Variants in CACNA1C observed in about 807,000 individuals in gnomAD.
The protein encoded by CACNA1C is voltage-dependent L-type calcium channel subunit alpha-1C.
In CACNA1C, 30 loss-of-function variants were observed where a neutral mutation model predicts 229.0. That is an observed-to-expected ratio of 0.13 (90% CI 0.10 to 0.18). CACNA1C has a LOEUF of 0.18. CACNA1C is among the 10% of genes least tolerant of loss of function. CACNA1C has a pLI of 1.00. For missense variants in CACNA1C, 1,658 were observed against 2,845.0 expected, an observed-to-expected ratio of 0.58 and a Z score of 9.49; for synonymous variants, 1,114 against 1,132.5, an observed-to-expected ratio of 0.98 and a Z score of 0.33.
chr12:2,286,790 TACA>T (rs1414540241), intron 3 of CACNA1C, among the ~76,000 whole-genome samples: 1 of 152,202 alleles, frequency 6.6e-6, no homozygotes, highest in African/African-American at 2.4e-5. Flanking sequence ...AACTCATGCT[TACA>T]ACTTTTATGT....
Position 2,028,197 on chromosome 12 carries a change from CCA to C in CACNA1C, c.139+56999_139+57000del, listed in dbSNP as rs563689380. On this transcript the variant is annotated intron_variant, in intron 1 of 46. Transcript: ENST00000682462. Reference sequence around the variant, plus strand: ...ACTTTAGAGGTTTTCAAATTGTATTCCACAGAGTTACAAGGGTTCCAAGACAG... The same window carrying C: ...ACTTTAGAGGTTTTCAAATTGTATTCCAGAGTTACAAGGGTTCCAAGACAG... Among the ~76,000 whole-genome samples, 120 of 152,300 alleles carry C rather than the reference CCA, an allele frequency of 7.9e-4. 2 individuals carry two copies. The South Asian group carries it at 8.9e-3, about 11-fold the overall frequency.
chr12:2,486,288 C>A lies in CACNA1C; in HGVS notation c.916+26C>A. The A allele has an allele frequency of 6.2e-7, 1 of 1,603,272 alleles. No individual in the cohort carries two copies. The highest frequency in any genetic ancestry group is 1.1e-5 in the South Asian group (1 of 89,628). Reference sequence around the variant, plus strand: ...GTAAGAGGGGCAGGCGGCTGCGCTCCCAAGGCCCTGCCCTCTATCGCTCCC... The same window carrying A: ...GTAAGAGGGGCAGGCGGCTGCGCTCACAAGGCCCTGCCCTCTATCGCTCCC... On this transcript the variant is annotated intron_variant, in intron 6 of 46. Coordinates refer to ENST00000399655, the MANE Select transcript of CACNA1C (RefSeq NM_000719.7). This position sits in a 1 kb window ranked among gnomAD's most constrained non-coding sequence, Gnocchi z 4.9.
At chr12:2,256,069 C>CCTGA (rs1479374421) in intron 3 of CACNA1C, among the ~76,000 whole-genome samples, 3 of 152,290 alleles carry the variant, frequency 2.0e-5, no homozygotes, top group Admixed American at 6.5e-5. Context: ...ACGATCCTGA[C>CCTGA]CTTACTAGTT....
intron 3 of CACNA1C, among the ~76,000 whole-genome samples, chr12:2,293,924 G>A (rs1314031036): frequency 6.6e-6 from 1 of 152,106 alleles, no homozygotes; most frequent in Admixed American, 6.5e-5. Context: ...TTTTCTTAAG[G>A]TGACAGAGAA....
At chr12:2,417,935 G>A (rs1261163635) in intron 3 of CACNA1C, among the ~76,000 whole-genome samples, 1 of 152,008 alleles carries the variant, frequency 6.6e-6, no homozygotes, top group Non-Finnish European at 1.5e-5. Flanking sequence ...TACCTGTGCG[G>A]GGCCTCCCAG....
intron 3 of CACNA1C, among the ~76,000 whole-genome samples, chr12:2,127,224 T>C (rs2090459231): frequency 6.6e-6 from 1 of 152,144 alleles, no homozygotes; most frequent in South Asian, 2.1e-4. Flanking sequence ...TCACCCGACA[T>C]GGGGCCCTGC....
intron 3 of CACNA1C, among the ~76,000 whole-genome samples, chr12:2,342,966 A>G (rs940060880): frequency 6.6e-6 from 1 of 152,228 alleles, no homozygotes; most frequent in Non-Finnish European, 1.5e-5. Flanking sequence ...TAAGCCTTAT[A>G]TCAGCTCTGC....
chr12:2,115,659 C>A, intron 2 of CACNA1C, 114 bp downstream of exon 2: 1 of 930,954 alleles, frequency 1.1e-6, no homozygotes, highest in South Asian at 1.5e-5. Flanking sequence ...CAAACGGGGC[C>A]TCGGGCCTAC....
At chr12:2,672,495 G>A (rs910702396) in intron 38 of CACNA1C, among the ~76,000 whole-genome samples, 5 of 152,340 alleles carry the variant, frequency 3.3e-5, no homozygotes, top group African/African-American at 4.8e-5. Context: ...GGTGTCAGCA[G>A]AGTTGGTTCT....
At chr12:2,562,730 T>C (rs569713048) in intron 11 of CACNA1C, among the ~76,000 whole-genome samples, 1 of 152,324 alleles carries the variant, frequency 6.6e-6, no homozygotes, top group Admixed American at 6.5e-5. Flanking sequence ...TCATAACGTT[T>C]TAAATTGTTA....
At chr12:2,530,692 T>C (rs543946929) in intron 9 of CACNA1C, among the ~76,000 whole-genome samples, 1 of 152,350 alleles carries the variant, frequency 6.6e-6, no homozygotes, top group Non-Finnish European at 1.5e-5. Flanking sequence ...CTCTCTTTTT[T>C]CCAGCGGTGC....
intron 29 of CACNA1C, among the ~76,000 whole-genome samples, chr12:2,622,695 G>A (rs1006776790): frequency 1.3e-5 from 2 of 152,118 alleles, no homozygotes; most frequent in Non-Finnish European, 2.9e-5. Flanking sequence ...AGTGTACCCC[G>A]CCCCCAGCCC....
chr12:2,449,763 C>A (rs903960506), intron 4 of CACNA1C, among the ~76,000 whole-genome samples: 22 of 152,216 alleles, frequency 1.4e-4, no homozygotes, highest in Admixed American at 1.3e-3. Flanking sequence ...ACTTTCGTTT[C>A]ATCTCAGACC....
intron 4 of CACNA1C, among the ~76,000 whole-genome samples, chr12:2,456,658 C>T (rs1219454679): frequency 6.6e-6 from 1 of 152,198 alleles, no homozygotes; most frequent in South Asian, 2.1e-4. Context: ...TTCCCATAGG[C>T]CTCTGCTCAA....
At position 2,689,158 on chromosome 12, in the gene CACNA1C, AT is replaced by A; in HGVS notation, c.6117+381del. ...GGGGAGCTTTGGAAACCCGGGACAG[AT>A]TAACTGATGATTGTTAAAGCTCTTC... On this transcript the variant is annotated intron_variant, in intron 46 of 46. Coordinates refer to ENST00000399655, the MANE Select transcript of CACNA1C (RefSeq NM_000719.7). This position sits in a 1 kb window ranked among gnomAD's most constrained non-coding sequence, Gnocchi z 4.2. 6.6e-6 allele frequency among the ~76,000 whole-genome samples: 1 copy of A among 152,290 alleles called. No individual in the cohort carries two copies. The highest frequency in any genetic ancestry group is 2.1e-4 in the South Asian group (1 of 4,816).
At chr12:2,310,525 A>C (rs995131072) in intron 3 of CACNA1C, among the ~76,000 whole-genome samples, 16 of 152,152 alleles carry the variant, frequency 1.1e-4, no homozygotes, top group African/African-American at 3.9e-4. Flanking sequence ...TTGTCGACTC[A>C]TTTGGAAATT....
At chr12:2,096,263 A>G (rs545462718) in intron 1 of CACNA1C, among the ~76,000 whole-genome samples, 10 of 152,374 alleles carry the variant, frequency 6.6e-5, no homozygotes, top group Non-Finnish European at 1.3e-4. Flanking sequence ...GCATGTGCAC[A>G]TATGATTTAT....
At chr12:2,017,836 CAGAAGAGGCA>C (rs1303269006) in intron 1 of CACNA1C, among the ~76,000 whole-genome samples, 1 of 152,088 alleles carries the variant, frequency 6.6e-6, no homozygotes, top group African/African-American at 2.4e-5. Flanking sequence ...AGGAAGGAGA[CAGAAGAGGCA>C]AGAAGAGCCC....
At chr12:1,985,795 C>T (rs2037515206) in intron 1 of CACNA1C, among the ~76,000 whole-genome samples, 1 of 151,960 alleles carries the variant, frequency 6.6e-6, no homozygotes, top group African/African-American at 2.4e-5. Context: ...ATGATGCTTC[C>T]CATATCAGTT....
Sources: gnomAD v4.1 joint callset for allele counts (sites outside exome capture counted in the v4.1 genomes callset) on GRCh38, gnomAD v4.1.1 for gene constraint, Gnocchi (gnomAD v3.1) non-coding constraint, MANE v1.5 for transcripts, NCBI Gene and HGNC (gene_info 2026-07-23, HGNC 2026-07-21) for gene names.